The following ADGRV1 variants were observed in gnomAD, a reference collection of about 807,000 sequenced individuals.
The protein encoded by ADGRV1 is adhesion G protein-coupled receptor V1, also known as G-protein coupled receptor 98.
Under a neutral mutation model 596.2 loss-of-function variants are expected in ADGRV1, and 359 were observed. That is an observed-to-expected ratio of 0.60 (90% confidence interval 0.55 to 0.66). The LOEUF is 0.66. Ranked by LOEUF, ADGRV1 falls within the 30% of genes least tolerant of loss-of-function variation. The pLI is 0.00. For synonymous variants in ADGRV1, 2,681 were observed against 2,679.2 expected (o/e 1.00, Z -0.02); for missense variants, 7,274 against 7,575.6 (o/e 0.96, Z 1.48).
intron 86 of ADGRV1, among the ~76,000 whole-genome samples, chr5:91,077,495 A>G (rs1013367645): frequency 5.9e-5 from 9 of 152,228 alleles, no homozygotes; most frequent in African/African-American, 2.2e-4. Flanking sequence ...ACAGAGTTCA[A>G]ATAAACTCAG....
At chr5:90,985,226 C>T (rs1003782382) in intron 84 of ADGRV1, 118 bp from the exon 85 acceptor site, 118 of 554,080 alleles carry the variant, frequency 2.1e-4, no homozygotes, top group Non-Finnish European at 3.0e-4. Context: ...AAAATCAAAA[C>T]TAATTATTAA....
In ADGRV1 at chr5:90,706,479, GC is replaced by G. The variant is rs1748622366; in HGVS notation, c.8730+86del. On this transcript the variant is annotated intron_variant, in intron 38 of 89. Coordinates refer to ENST00000405460, the MANE Select transcript of ADGRV1 (RefSeq NM_032119.4). ...ATACTTTAAGTTTTAGTGTACAAGTGCACAATGTGCAGGTTTGTTACATATA... is the reference window on the plus strand; with the variant it reads ...ATACTTTAAGTTTTAGTGTACAAGTGACAATGTGCAGGTTTGTTACATATA... 5.1e-6 allele frequency: 6 copies of G among 1,176,080 alleles called. No individual in the cohort carries two copies. The South Asian group carries it at 8.5e-5, about 17-fold the overall frequency. The allele number at this position is 1,176,080 out of a possible 1,614,324, so 72.9% of individuals were successfully genotyped here. A position where few individuals can be genotyped will look rare whatever the true frequency, so the allele number is the denominator to read the frequency against.
intron 21 of ADGRV1, among the ~76,000 whole-genome samples, chr5:90,667,908 C>G (rs1380352723): frequency 6.6e-6 from 1 of 151,980 alleles, no homozygotes; most frequent in Non-Finnish European, 1.5e-5. Flanking sequence ...GGGTGCCTCC[C>G]AGTTAGGCTG....
At chr5:90,733,566 A>G (rs1007094609) in intron 50 of ADGRV1, among the ~76,000 whole-genome samples, 1 of 152,200 alleles carries the variant, frequency 6.6e-6, no homozygotes, top group African/African-American at 2.4e-5. Flanking sequence ...TTCTTTATCA[A>G]GCATTTAACA....
intron 83 of ADGRV1, among the ~76,000 whole-genome samples, chr5:90,964,740 A>G (rs1778307629): frequency 6.6e-6 from 1 of 152,134 alleles, no homozygotes; most frequent in East Asian, 1.9e-4. Flanking sequence ...AAAAAAAAAA[A>G]AATGCAAATT....
At chr5:90,822,801 T>C (rs931691888) in intron 75 of ADGRV1, among the ~76,000 whole-genome samples, 7 of 152,186 alleles carry the variant, frequency 4.6e-5, no homozygotes, top group African/African-American at 1.4e-4. Context: ...CTCTTTTATT[T>C]CATTGAGCAG....
At position 90,621,022 on chromosome 5, in the gene ADGRV1, A is replaced by G. The variant is rs547302905; in HGVS notation, c.454-1575A>G. Among the ~76,000 whole-genome samples, 112 of 152,288 alleles carry G rather than the reference A, an allele frequency of 7.4e-4. 1 individual carries two copies. The highest frequency in any genetic ancestry group is 5.0e-3 in the Admixed American group (76 of 15,296). The stretch of plus-strand genomic sequence containing the variant: ...AACTGAATTCCTGTGGCTCTGGCCA[A>G]TCCTGTGATCAGAGAGTTTTATCTT... On this transcript the variant is annotated intron_variant, in intron 4 of 89. Coordinates refer to ENST00000405460, the MANE Select transcript of ADGRV1 (RefSeq NM_032119.4).
At chr5:91,035,861 T>TAAAATATA in intron 85 of ADGRV1, among the ~76,000 whole-genome samples, 1 of 96,404 alleles carries the variant, frequency 1.0e-5, no homozygotes, top group Non-Finnish European at 2.2e-5. Flanking sequence ...TATATATATA[T>TAAAATATA]TATATATATA....
chr5:90,874,333 C>A (rs1769008132), intron 83 of ADGRV1, among the ~76,000 whole-genome samples: 1 of 152,216 alleles, frequency 6.6e-6, no homozygotes, highest in South Asian at 2.1e-4. Context: ...TCTTACGTTA[C>A]CACCTCAGAG....
At chr5:90,725,015 A>G (rs1316556877) in intron 46 of ADGRV1, 26 bp downstream of exon 46, 12 of 1,563,082 alleles carry the variant, frequency 7.7e-6, no homozygotes, top group Non-Finnish European at 9.5e-6. Flanking sequence ...TTTTTATAGT[A>G]CAAAAATAAA....
chr5:90,974,593 A>G (rs565925465), intron 84 of ADGRV1, among the ~76,000 whole-genome samples: 1 of 152,332 alleles, frequency 6.6e-6, no homozygotes, highest in African/African-American at 2.4e-5. Context: ...AAAACAAGCA[A>G]TAGGGAAAGG....
chr5:90,778,357 A>G, intron 62 of ADGRV1, 70 bp from the exon 63 acceptor site: 1 of 1,305,606 alleles, frequency 7.7e-7, no homozygotes, highest in Non-Finnish European at 1.1e-6. Flanking sequence ...TGTTGTTATT[A>G]TTTAGAGGTT....
At chr5:90,986,116 A>ATG in intron 85 of ADGRV1, among the ~76,000 whole-genome samples, 1 of 148,120 alleles carries the variant, frequency 6.8e-6, no homozygotes, top group South Asian at 2.2e-4. Context: ...TTATGCATAT[A>ATG]TATATATATA....
At chr5:90,716,803 A>C (rs1295768594) in intron 43 of ADGRV1, 74 bp downstream of exon 43, 2 of 1,074,152 alleles carry the variant, frequency 1.9e-6, no homozygotes, top group Non-Finnish European at 2.7e-6. Flanking sequence ...TTAGATGAGC[A>C]CTCAAGTCCT....
chr5:90,575,467 G>A (rs1757079329), intron 1 of ADGRV1, among the ~76,000 whole-genome samples: 1 of 152,046 alleles, frequency 6.6e-6, no homozygotes, highest in Admixed American at 6.6e-5. Context: ...TGGCCAGGCT[G>A]GTAAAAAGGG....
At chr5:90,933,510 G>A (rs1775429927) in intron 83 of ADGRV1, among the ~76,000 whole-genome samples, 1 of 152,146 alleles carries the variant, frequency 6.6e-6, no homozygotes, top group African/African-American at 2.4e-5. Context: ...AATGTGAGGG[G>A]GAGTGGTGGG....
intron 83 of ADGRV1, among the ~76,000 whole-genome samples, chr5:90,906,941 A>G (rs1772379939): frequency 6.6e-6 from 1 of 152,174 alleles, no homozygotes; most frequent in African/African-American, 2.4e-5. Flanking sequence ...TTCTGAAGCA[A>G]TTTGGAGATG....
chr5:90,910,555 C>G (rs1460456654), intron 83 of ADGRV1, among the ~76,000 whole-genome samples: 1 of 11,152 alleles, frequency 9.0e-5, no homozygotes, highest in African/African-American at 2.3e-4. Context: ...TATATATTAT[C>G]TATCTATCTA....
intron 4 of ADGRV1, among the ~76,000 whole-genome samples, 196 bp downstream of exon 4, chr5:90,619,377 T>G (rs942359467): frequency 1.3e-5 from 2 of 152,190 alleles, no homozygotes; most frequent in Non-Finnish European, 2.9e-5. Context: ...TTGAGGACGC[T>G]TGTATGATCG....
Sources: allele counts gnomAD v4.1 joint callset (sites outside exome capture counted in the v4.1 genomes callset), GRCh38; gene constraint gnomAD v4.1.1; transcripts MANE v1.5; gene names NCBI Gene and HGNC (gene_info 2026-07-23, HGNC 2026-07-21).